MYO10: variants seen among roughly 807,000 people sequenced by gnomAD.
The protein encoded by MYO10 is myosin X.
A neutral mutation model predicts 257.3 loss-of-function variants in MYO10; 133 were observed. That is an observed-to-expected ratio of 0.52 (90% CI 0.45 to 0.60). MYO10 has a LOEUF of 0.60. MYO10 is among the 20% of genes least tolerant of loss of function. The probability of loss-of-function intolerance (pLI) is 0.00; values close to 1 mark genes in which losing one functional copy is unlikely to be tolerated. For synonymous variants in MYO10, 1,104 were observed against 1,028.6 expected (o/e 1.07, Z -1.40); for missense variants, 2,399 against 2,635.7 (o/e 0.91, Z 1.97).
At chr5:16,721,059 T>C (rs1015418452) in intron 19 of MYO10, among the ~76,000 whole-genome samples, 3 of 152,184 alleles carry the variant, frequency 2.0e-5, no homozygotes, top group African/African-American at 7.2e-5. Context: ...CATTTAACTT[T>C]AAAAATAAAC....
intron 3 of MYO10, among the ~76,000 whole-genome samples, chr5:16,814,351 T>C (rs1232582996): frequency 1.3e-5 from 2 of 152,020 alleles, no homozygotes. Context: ...GGTTTCACCA[T>C]GTTAGCCAGG....
chr5:16,803,520 G>C (rs144833368), intron 3 of MYO10, among the ~76,000 whole-genome samples: 78 of 152,294 alleles, frequency 5.1e-4, no homozygotes, highest in African/African-American at 1.8e-3. Context: ...TTCAGGAAGA[G>C]AGAACAAAAG....
At chr5:16,811,000 C>CAG (rs1742419893) in intron 3 of MYO10, among the ~76,000 whole-genome samples, 1 of 146,700 alleles carries the variant, frequency 6.8e-6, no homozygotes, top group Non-Finnish European at 1.5e-5. Flanking sequence ...ACCCAGGAGG[C>CAG]AGAGGTTGCA....
At chr5:16,698,062 C>T (rs1033100153) in intron 26 of MYO10, among the ~76,000 whole-genome samples, 1 of 152,178 alleles carries the variant, frequency 6.6e-6, no homozygotes, top group African/African-American at 2.4e-5. Context: ...AATATGAGGT[C>T]CCAATTAAAT....
chr5:16,669,459 C>T lies in MYO10; in HGVS notation c.5884-991G>A, dbSNP rs371590433. 1.4e-4 allele frequency among the ~76,000 whole-genome samples: 21 copies of T among 152,294 alleles called. 1 individual carries two copies. Among genetic ancestry groups the T allele is most frequent in the African/African-American group, 4.1e-4 (17 of 41,570 alleles). On this transcript the variant is annotated intron_variant, in intron 39 of 40. Transcript: ENST00000513610. The stretch of plus-strand genomic sequence containing the variant: ...GACCTCATGATCCGCCCGCCTTGGC[C>T]TCCCAAAGCGCTGGGATTACAGGCA...
In MYO10 at chr5:16,711,161, C is replaced by T; in HGVS notation, c.2014G>A (p.Gly672Arg). ...MLETVRIRKA[G>R]YAVRRPFQDF... ...TGAAAGGGTCTTCGGACCGCATACC[C>T]AGCTTTGCGGATTCTCACAGTCTCC... The change falls in exon 20 of 41, where the codon GGG (glycine) becomes AGG (arginine). Residue 672 changes from glycine to arginine, a missense_variant. Physicochemically the swap from Gly to Arg is moderately radical, Grantham distance 125. Coordinates refer to ENST00000513610, the MANE Select transcript of MYO10 (RefSeq NM_012334.3). The T allele has an allele frequency of 6.2e-7, 1 of 1,613,846 alleles. No individual in the cohort carries two copies. Among genetic ancestry groups the T allele is most frequent in the Non-Finnish European group, 8.5e-7 (1 of 1,179,834 alleles).
chr5:16,680,994 A>C (rs1039723541), intron 32 of MYO10, among the ~76,000 whole-genome samples: 2 of 152,194 alleles, frequency 1.3e-5, no homozygotes, highest in African/African-American at 4.8e-5. Context: ...CCCTGTCTCA[A>C]AAATGAGAAG....
chr5:16,745,163 A>G (rs1740149976), intron 19 of MYO10, among the ~76,000 whole-genome samples: 1 of 151,586 alleles, frequency 6.6e-6, no homozygotes, highest in African/African-American at 2.4e-5. Context: ...AACATGGTGA[A>G]ACCCCGTCTC....
At chr5:16,736,685 G>C (rs1210533995) in intron 19 of MYO10, among the ~76,000 whole-genome samples, 1 of 152,224 alleles carries the variant, frequency 6.6e-6, no homozygotes, top group South Asian at 2.1e-4. Flanking sequence ...GCAATGCCAT[G>C]CAGTCAGTGA....
chr5:16,711,010 C>T lies in MYO10; in HGVS notation c.2067G>A (p.Leu689=). ...FQDFYKRYKV[L]MRNLALPEDV... Reference sequence around the variant, plus strand: ...CCTCAGGCAGAGCCAGATTCCTCATCAGCACTTTATACCTGCAACGTGAAG... The same window carrying T: ...CCTCAGGCAGAGCCAGATTCCTCATTAGCACTTTATACCTGCAACGTGAAG... The change falls in exon 21 of 41, where the codon CTG becomes CTA. Residue 689 remains leucine (L), a synonymous_variant. Coordinates refer to ENST00000513610, the MANE Select transcript of MYO10 (RefSeq NM_012334.3). 6.2e-7 allele frequency: 1 copy of T among 1,613,974 alleles called. No individual in the cohort carries two copies. The highest frequency in any genetic ancestry group is 8.5e-7 in the Non-Finnish European group (1 of 1,179,872).
At position 16,794,635 on chromosome 5, in the gene MYO10, A is replaced by C. The variant is rs1262580920; in HGVS notation, c.467+11T>G. 2 of 1,597,996 alleles carry C rather than the reference A, an allele frequency of 1.3e-6. No homozygotes were observed. The highest frequency in any genetic ancestry group is 2.7e-5 in the African/African-American group (2 of 74,574). ...CCATGGGAAAGTCCGACTGGCTGTG[A>C]GCCCCGTTACCTGATGAGGATGCAC... On this transcript the variant is annotated intron_variant, in intron 4 of 40. Transcript: ENST00000513610.
intron 33 of MYO10, among the ~76,000 whole-genome samples, chr5:16,679,144 C>T (rs1254966496): frequency 2.0e-5 from 3 of 152,172 alleles, no homozygotes; most frequent in African/African-American, 7.2e-5. Flanking sequence ...TTTGCACGTG[C>T]CTGAGAGGGA....
At chr5:16,834,232 C>G (rs766376298) in intron 2 of MYO10, among the ~76,000 whole-genome samples, 2 of 152,132 alleles carry the variant, frequency 1.3e-5, no homozygotes, top group African/African-American at 2.4e-5. Flanking sequence ...AGAAACCTCT[C>G]AGGTCACTTA....
chr5:16,785,334 A>G (rs1477340914), intron 4 of MYO10, among the ~76,000 whole-genome samples: 1 of 152,254 alleles, frequency 6.6e-6, no homozygotes, highest in Non-Finnish European at 1.5e-5. Flanking sequence ...AACAGTGCAC[A>G]GAATGACTCA....
intron 32 of MYO10, 84 bp downstream of exon 32, chr5:16,681,225 T>C (rs1335289689): frequency 3.4e-5 from 47 of 1,383,082 alleles, no homozygotes; most frequent in Non-Finnish European, 4.5e-5. Flanking sequence ...AAGTACACAC[T>C]AGGAAGGAAT....
intron 1 of MYO10, among the ~76,000 whole-genome samples, chr5:16,883,067 C>G (rs1033079790): frequency 6.6e-6 from 1 of 152,038 alleles, no homozygotes; most frequent in Non-Finnish European, 1.5e-5. Flanking sequence ...AGGTGCCCAC[C>G]ACCACGCCTG....
intron 2 of MYO10, among the ~76,000 whole-genome samples, chr5:16,844,072 G>C (rs1454378123): frequency 2.6e-5 from 4 of 152,194 alleles, no homozygotes; most frequent in African/African-American, 7.2e-5. Flanking sequence ...CTGCTGACTA[G>C]CAACAAATCA....
In MYO10 at chr5:16,758,144, G is replaced by T. The variant is rs1027681518; in HGVS notation, c.1822C>A (p.Arg608=). The change falls in exon 18 of 41, where the codon CGG becomes AGG. Residue 608 remains arginine (R), a synonymous_variant. Coordinates refer to ENST00000513610, the MANE Select transcript of MYO10 (RefSeq NM_012334.3). ...DTLKCGSKHR[R]PTVSSQFKDS... ...TTGAACTGTGAGCTGACTGTAGGCC[G>T]CCGATGTTTGCTTCCACATTTCAAG... 6.2e-7 allele frequency: 1 copy of T among 1,612,766 alleles called. No homozygotes were observed. The highest frequency in any genetic ancestry group is 2.2e-5 in the East Asian group (1 of 44,874).
rs1740848998 is a variant in MYO10 at position 16,765,950 on chromosome 5, A to G, written c.1179+130T>C. 7 of 657,828 alleles carry G rather than the reference A, an allele frequency of 1.1e-5. No individual in the cohort carries two copies. The South Asian group carries it at 1.5e-4, about 14-fold the overall frequency. The allele number at this position is 657,828 out of a possible 1,614,324, so 40.7% of individuals were successfully genotyped here. On this transcript the variant is annotated intron_variant, in intron 11 of 40. Transcript: ENST00000513610. ...ATCTTCTTTATTTTTATCATGAACC[A>G]GTCATTTGAACAGTTATTAATATAT...
Sources: gnomAD v4.1 joint callset for allele counts (sites outside exome capture counted in the v4.1 genomes callset) on GRCh38, gnomAD v4.1.1 for gene constraint, MANE v1.5 for transcripts, NCBI Gene and HGNC (gene_info 2026-07-23, HGNC 2026-07-21) for gene names.